ATG2B: variants seen among roughly 807,000 people sequenced by gnomAD.
ATG2B encodes autophagy related 2B, also known as autophagy-related protein 2 homolog B.
Under a neutral mutation model 241.3 loss-of-function variants are expected in ATG2B, and 121 were observed. That is an observed-to-expected ratio of 0.50 (90% CI 0.43 to 0.58). The LOEUF is 0.58. Among genes scored for constraint, ATG2B ranks in the 20% least tolerant of loss-of-function variants. ATG2B has a pLI of 0.00. For synonymous variants in ATG2B, 858 were observed against 876.6 expected, an observed-to-expected ratio of 0.98 and a Z score of 0.37; for missense variants, 2,306 against 2,491.6, an observed-to-expected ratio of 0.93 and a Z score of 1.59.
At chr14:96,330,169 G>A (rs1246038291) in intron 11 of ATG2B, among the ~76,000 whole-genome samples, 2 of 151,540 alleles carry the variant, frequency 1.3e-5, no homozygotes, top group African/African-American at 4.8e-5. Flanking sequence ...GGCCAGTATG[G>A]TGAAACCCCA....
Position 96,284,425 on chromosome 14 carries a change from T to G in ATG2B, c.*1330A>C, listed in dbSNP as rs1886282181. 6.6e-6 allele frequency: 1 copy of G among 152,260 alleles called. No homozygotes were observed. Among genetic ancestry groups the G allele is most frequent in the Non-Finnish European group, 1.5e-5 (1 of 68,044 alleles). The allele number at this position is 152,260 out of a possible 1,614,324, so 9.4% of individuals were successfully genotyped here. On this transcript the variant is annotated 3_prime_UTR_variant, in exon 42 of 42. Transcript: ENST00000359933. ...ATTTAGAGAACGAAATTGATTTAAC[T>G]ACATTTTCCAAGCCCCAAATTGAAA... is the stretch of plus-strand genomic sequence containing the variant.
intron 34 of ATG2B, among the ~76,000 whole-genome samples, chr14:96,299,386 C>T (rs1262771778): frequency 6.6e-6 from 1 of 152,144 alleles, no homozygotes; most frequent in South Asian, 2.1e-4. Context: ...TTGTACTCAC[C>T]ACAGCACATT....
Position 96,315,375 on chromosome 14 carries a change from A to G in ATG2B, c.3561+9T>C. The G allele has an allele frequency of 6.2e-7, 1 of 1,612,900 alleles. No homozygotes were observed. The highest frequency in any genetic ancestry group is 1.1e-5 in the South Asian group (1 of 90,950). On this transcript the variant is annotated intron_variant, in intron 22 of 41. Coordinates refer to ENST00000359933, the MANE Select transcript of ATG2B (RefSeq NM_018036.7). ...AATCAACAGTGGCATAAAAGTACAA[A>G]ACACAAACCTTTGTATTGGACTCTG... is the stretch of plus-strand genomic sequence containing the variant.
In ATG2B at chr14:96,311,616, A is replaced by C; in HGVS notation, c.3916T>G (p.Tyr1306Asp). The change falls in exon 27 of 42, where the codon TAT (tyrosine) becomes GAT (aspartate). Residue 1306 changes from tyrosine (Y) to aspartate (D), a missense_variant and splice_region_variant. This residue lies in a region of ATG2B where 1,927 missense variants were observed against 2,011.2 expected (regional missense o/e 0.96). Transcript: ENST00000359933. ...AGCCCCATATCCATCACACGAACAT[A>C]ATCTAAAATTTTTAAAATTAAGAAA... Reference protein sequence around the residue: ...NTVTINLSRDYVRVMDMGLLE... With the variant: ...NTVTINLSRDDVRVMDMGLLE... The C allele has an allele frequency of 5.6e-6, 9 of 1,604,154 alleles. No individual in the cohort carries two copies. Among genetic ancestry groups the C allele is most frequent in the Non-Finnish European group, 7.7e-6 (9 of 1,173,394 alleles).
At chr14:96,362,722 G>A in intron 1 of ATG2B, 93 bp downstream of exon 1, 4 of 1,280,064 alleles carry the variant, frequency 3.1e-6, no homozygotes, top group Non-Finnish European at 3.2e-6. Context: ...TTCCCAAGGA[G>A]GGACTGACTG....
chr14:96,321,645 G>T (rs536945353), intron 18 of ATG2B, among the ~76,000 whole-genome samples: 2 of 152,010 alleles, frequency 1.3e-5, no homozygotes, highest in African/African-American at 4.8e-5. Context: ...ATATTGAGGG[G>T]TATCTAAATA....
Position 96,283,545 on chromosome 14 carries a change from C to T in ATG2B, c.*2210G>A, listed in dbSNP as rs1188893386. 1 of 152,166 alleles carries T rather than the reference C, an allele frequency of 6.6e-6. No individual in the cohort carries two copies. The highest frequency in any genetic ancestry group is 2.4e-5 in the African/African-American group (1 of 41,430). 9.4% of individuals were successfully genotyped at this position (152,166 alleles called of 1,614,324 possible). On this transcript the variant is annotated 3_prime_UTR_variant, in exon 42 of 42. Transcript: ENST00000359933. ...TTTGTCGTAAAAAACCCTCCATTTA[C>T]CAGGAGGGATGCTGAGGCTTACAGG...
At chr14:96,301,881 T>C in intron 34 of ATG2B, 126 bp downstream of exon 34, 1 of 683,734 alleles carries the variant, frequency 1.5e-6, no homozygotes, top group Non-Finnish European at 2.4e-6. Flanking sequence ...CTATTCTTTA[T>C]CAGAAGTTTG....
In ATG2B at chr14:96,312,099, A is replaced by C; in HGVS notation, c.3903T>G (p.Asn1301Lys). The C allele has an allele frequency of 6.2e-7, 1 of 1,605,140 alleles. No individual in the cohort carries two copies. The highest frequency in any genetic ancestry group is 8.5e-7 in the Non-Finnish European group (1 of 1,176,732). ...TTTTTTAACTCTTACCTCTACTCAG[A>C]TTTATAGTGACAGTATTGCATTTGT... Reference protein sequence around the residue: ...LSDKCNTVTINLSRDYVRVMD... With the variant: ...LSDKCNTVTIKLSRDYVRVMD... The change falls in exon 26 of 42, where the codon AAT becomes AAG. Residue 1301 changes from asparagine to lysine, a missense_variant. Physicochemically the swap from Asn to Lys is moderately conservative, Grantham distance 94. This residue lies in a region of ATG2B where 1,927 missense variants were observed against 2,011.2 expected (regional missense o/e 0.96). Transcript: ENST00000359933.
intron 1 of ATG2B, among the ~76,000 whole-genome samples, chr14:96,358,331 A>G: frequency 6.6e-6 from 1 of 152,140 alleles, no homozygotes; most frequent in East Asian, 1.9e-4. Flanking sequence ...CCACCTACTC[A>G]GGAGGCTGGA....
In ATG2B at chr14:96,289,814, T is replaced by C. The variant is rs1344087931; in HGVS notation, c.5857-9A>G. On this transcript the variant is annotated splice_polypyrimidine_tract_variant and intron_variant, in intron 40 of 41. Transcript: ENST00000359933. This position sits in a 1 kb window ranked among gnomAD's most constrained non-coding sequence, Gnocchi z 4.3. ...GCAGTCTCTGCAGCTGCCTGGATCA[T>C]TTTGTCAAAAGGAAGAAATGAATTA... 1.2e-6 allele frequency: 2 copies of C among 1,613,704 alleles called. No homozygotes were observed. The highest frequency in any genetic ancestry group is 2.2e-5 in the East Asian group (1 of 44,866).
Position 96,291,583 on chromosome 14 carries a change from A to G in ATG2B, c.5579+17T>C. 6.3e-7 allele frequency: 1 copy of G among 1,575,442 alleles called. No homozygotes were observed. ...TTGATAACTTCACTTAAAGCTTCAT[A>G]TAATAAATTCACTTACCCATGTCGA... On this transcript the variant is annotated intron_variant, in intron 38 of 41. Coordinates refer to ENST00000359933, the MANE Select transcript of ATG2B (RefSeq NM_018036.7).
At chr14:96,308,283 T>TATATATATA (rs1491275020) in intron 29 of ATG2B, among the ~76,000 whole-genome samples, 737 of 30,132 alleles carry the variant, frequency 0.024, 25 homozygotes, top group Non-Finnish European at 0.036. Context: ...TATATATATA[T>TATATATATA]TTTTTTTTTT....
At chr14:96,345,415 A>G in intron 2 of ATG2B, 30 bp from the exon 3 acceptor site, 1 of 1,534,996 alleles carries the variant, frequency 6.5e-7, no homozygotes, top group Non-Finnish European at 8.8e-7. Flanking sequence ...ATCCTAAATA[A>G]TTTCTTAAGA....
intron 33 of ATG2B, 79 bp from the exon 34 acceptor site, chr14:96,302,187 G>GA: frequency 1.2e-6 from 1 of 801,750 alleles, no homozygotes; most frequent in Non-Finnish European, 2.0e-6. Context: ...GAAAAAAAAA[G>GA]AAAAATTCCT....
At chr14:96,351,710 T>TG (rs1426313831) in intron 1 of ATG2B, among the ~76,000 whole-genome samples, 2 of 144,862 alleles carry the variant, frequency 1.4e-5, no homozygotes, top group African/African-American at 5.2e-5. Flanking sequence ...CACTCCAGCC[T>TG]GGGCGGCAGA....
chr14:96,286,666 C>T (rs551917140), intron 41 of ATG2B, among the ~76,000 whole-genome samples: 1 of 152,276 alleles, frequency 6.6e-6, no homozygotes, highest in African/African-American at 2.4e-5. Context: ...GCTGAATATA[C>T]AAACATGTAG....
chr14:96,329,681 A>T, intron 11 of ATG2B, 47 bp from the exon 12 acceptor site: 1 of 1,270,482 alleles, frequency 7.9e-7, no homozygotes, highest in South Asian at 1.3e-5. Flanking sequence ...TTAAAATGTA[A>T]CAATTATCCA....
chr14:96,332,298 T>C lies in ATG2B; in HGVS notation c.1468+7A>G, dbSNP rs1887757161. ...AAACTAACAACAAATGTCTTATTTT[T>C]ACTTACATGTCTTCTGTAAAGGTGT... On this transcript the variant is annotated splice_region_variant and intron_variant, in intron 10 of 41. Transcript: ENST00000359933. 1.9e-6 allele frequency: 3 copies of C among 1,601,924 alleles called. No individual in the cohort carries two copies. Among genetic ancestry groups the C allele is most frequent in the South Asian group, 1.1e-5 (1 of 90,280 alleles).
Sources: gnomAD v4.1 joint callset for allele counts (sites outside exome capture counted in the v4.1 genomes callset) on GRCh38, gnomAD v4.1.1 for gene constraint, gnomAD v4.1.1 regional missense constraint, Gnocchi (gnomAD v3.1) non-coding constraint, MANE v1.5 for transcripts, NCBI Gene and HGNC (gene_info 2026-07-23, HGNC 2026-07-21) for gene names.